EPB41L4A: variants seen among roughly 807,000 people sequenced by gnomAD.
The protein encoded by EPB41L4A is erythrocyte membrane protein band 4.1 like 4A, also known as band 4.1-like protein 4A.
In EPB41L4A, 100 loss-of-function variants were observed where a neutral mutation model predicts 108.6. That is an observed-to-expected ratio of 0.92 (90% confidence interval 0.78 to 1.09). EPB41L4A has a LOEUF of 1.09. Ranked by LOEUF, EPB41L4A falls within the 50% of genes least tolerant of loss-of-function variation. The probability of loss-of-function intolerance (pLI) is 0.00; values close to 1 mark genes in which losing one functional copy is unlikely to be tolerated. For synonymous variants in EPB41L4A, 319 were observed against 289.0 expected, an observed-to-expected ratio of 1.10 and a Z score of -1.05; for missense variants, 1,030 against 842.7, an observed-to-expected ratio of 1.22 and a Z score of -2.75.
intron 1 of EPB41L4A, among the ~76,000 whole-genome samples, chr5:112,328,851 T>C (rs1001595100): frequency 6.6e-6 from 1 of 152,240 alleles, no homozygotes; most frequent in Non-Finnish European, 1.5e-5. Flanking sequence ...ACATAATGAA[T>C]TACCTTATGT....
At chr5:112,315,710 A>C (rs1035642331) in intron 1 of EPB41L4A, among the ~76,000 whole-genome samples, 1 of 152,160 alleles carries the variant, frequency 6.6e-6, no homozygotes, top group Non-Finnish European at 1.5e-5. Context: ...CCAAAAACTG[A>C]GGAAGCCATA....
intron 1 of EPB41L4A, among the ~76,000 whole-genome samples, chr5:112,405,977 C>T (rs987261062): frequency 6.6e-6 from 1 of 152,210 alleles, no homozygotes; most frequent in Non-Finnish European, 1.5e-5. Flanking sequence ...ATTGAGTTCA[C>T]AAATCCAAAC....
chr5:112,207,350 T>C (rs1458852168), intron 13 of EPB41L4A, among the ~76,000 whole-genome samples: 8 of 152,176 alleles, frequency 5.3e-5, no homozygotes, highest in South Asian at 2.1e-4. Flanking sequence ...CTAGGAAATA[T>C]CATTCTGGAC....
chr5:112,234,768 A>T lies in EPB41L4A; in HGVS notation c.966-13T>A. ...AGCTGTCCTGCCACTTGAGAGTGCA[A>T]CATTTTGATTAGCAAAGGTAAAACC... On this transcript the variant is annotated splice_polypyrimidine_tract_variant and intron_variant, in intron 11 of 22. Coordinates refer to ENST00000261486, the MANE Select transcript of EPB41L4A (RefSeq NM_022140.5). The T allele has an allele frequency of 1.2e-6, 2 of 1,607,364 alleles. No homozygotes were observed. Among genetic ancestry groups the T allele is most frequent in the Non-Finnish European group, 1.7e-6 (2 of 1,175,618 alleles).
intron 15 of EPB41L4A, among the ~76,000 whole-genome samples, chr5:112,200,471 T>C (rs1762165279): frequency 6.6e-6 from 1 of 152,204 alleles, no homozygotes; most frequent in East Asian, 1.9e-4. Flanking sequence ...CTTCATATTA[T>C]GTATTAAAGT....
At chr5:112,387,345 G>A (rs1043325012) in intron 1 of EPB41L4A, among the ~76,000 whole-genome samples, 2 of 152,220 alleles carry the variant, frequency 1.3e-5, no homozygotes, top group African/African-American at 2.4e-5. Context: ...GCATGGAATG[G>A]GTTGGGCACG....
intron 1 of EPB41L4A, among the ~76,000 whole-genome samples, chr5:112,332,773 C>A (rs1561579235): frequency 6.6e-6 from 1 of 152,206 alleles, no homozygotes; most frequent in Non-Finnish European, 1.5e-5. Flanking sequence ...GGAAGTTTGG[C>A]TTTTTAAAAA....
intron 1 of EPB41L4A, among the ~76,000 whole-genome samples, chr5:112,410,713 G>A (rs1224718011): frequency 6.6e-6 from 1 of 152,106 alleles, no homozygotes; most frequent in Non-Finnish European, 1.5e-5. Context: ...TTCTTCTACA[G>A]GTGATCCCAT....
rs1371886530 is a variant in EPB41L4A at position 112,339,125 on chromosome 5, A to G, written c.100-31635T>C. ...GGCGACTGGGTTTAGGTGCCAGCGA[A>G]GAGAGCAGGAATTGCACAATAGGAG... On this transcript the variant is annotated intron_variant, in intron 1 of 22. Transcript: ENST00000261486. Among the ~76,000 whole-genome samples, 4 of 152,188 alleles carry G rather than the reference A, an allele frequency of 2.6e-5. No homozygotes were observed. In the East Asian group the frequency reaches 7.7e-4, roughly 29 times the overall value.
At chr5:112,188,430 A>C (rs1761529347) in intron 17 of EPB41L4A, among the ~76,000 whole-genome samples, 1 of 152,126 alleles carries the variant, frequency 6.6e-6, no homozygotes, top group Non-Finnish European at 1.5e-5. Context: ...CCTCTGGCGC[A>C]ATTTCCCTTT....
chr5:112,308,844 C>A (rs1295400910), intron 1 of EPB41L4A, among the ~76,000 whole-genome samples: 1 of 152,126 alleles, frequency 6.6e-6, no homozygotes, highest in Non-Finnish European at 1.5e-5. Flanking sequence ...TTTCCCCGCA[C>A]CCTTGCCAAC....
chr5:112,388,947 C>T lies in EPB41L4A; in HGVS notation c.99+29994G>A, dbSNP rs73214253. Among the ~76,000 whole-genome samples the T allele has an allele frequency of 3.3e-3, 507 of 152,234 alleles. 3 individuals carry two copies. The highest frequency in any genetic ancestry group is 0.012 in the African/African-American group (490 of 41,538). On this transcript the variant is annotated intron_variant, in intron 1 of 22. Transcript: ENST00000261486. ...CTATGAGCTCCCAGAGGTAAATACA[C>T]ACTTAAGAGTAAATTATTGGTTTAC...
intron 1 of EPB41L4A, among the ~76,000 whole-genome samples, chr5:112,349,958 G>A (rs1019122059): frequency 1.3e-5 from 2 of 152,160 alleles, no homozygotes; most frequent in Non-Finnish European, 2.9e-5. Context: ...AAGATCATAG[G>A]GGCGAAGACG....
At chr5:112,410,927 A>G (rs1762371969) in intron 1 of EPB41L4A, among the ~76,000 whole-genome samples, 1 of 152,208 alleles carries the variant, frequency 6.6e-6, no homozygotes. Flanking sequence ...TGGCTCCAAG[A>G]TAGCAGAGCA....
At chr5:112,170,711 C>T (rs905735648) in intron 19 of EPB41L4A, among the ~76,000 whole-genome samples, 5 of 152,108 alleles carry the variant, frequency 3.3e-5, no homozygotes, top group Admixed American at 1.3e-4. Context: ...GTCTGAGGTC[C>T]ATTTAGAGGC....
At chr5:112,263,225 T>C (rs1227406941) in intron 6 of EPB41L4A, among the ~76,000 whole-genome samples, 1 of 152,194 alleles carries the variant, frequency 6.6e-6, no homozygotes, top group African/African-American at 2.4e-5. Flanking sequence ...GAGTTAAATA[T>C]GCATGTGCAA....
chr5:112,319,116 C>T (rs952955432), intron 1 of EPB41L4A, among the ~76,000 whole-genome samples: 1 of 152,152 alleles, frequency 6.6e-6, no homozygotes, highest in African/African-American at 2.4e-5. Context: ...AAGGCTGAGA[C>T]AGGAAAGTAC....
At chr5:112,233,638 C>T (rs868449427) in intron 12 of EPB41L4A, among the ~76,000 whole-genome samples, 4 of 152,000 alleles carry the variant, frequency 2.6e-5, no homozygotes, top group Admixed American at 6.6e-5. Flanking sequence ...TACTCAAACT[C>T]CCAGGCTCAA....
At chr5:112,392,803 C>T (rs1761042528) in intron 1 of EPB41L4A, 1 of 152,214 alleles carries the variant, frequency 6.6e-6, no homozygotes, top group African/African-American at 2.4e-5. Flanking sequence ...CTCAGCACCA[C>T]ATCACACTTA....
Sources: allele counts gnomAD v4.1 joint callset (sites outside exome capture counted in the v4.1 genomes callset), GRCh38; gene constraint gnomAD v4.1.1; transcripts MANE v1.5; gene names NCBI Gene and HGNC (gene_info 2026-07-23, HGNC 2026-07-21).